The following PDZRN4 variants were observed in gnomAD, a reference collection of about 807,000 sequenced individuals.
The protein encoded by PDZRN4 is PDZ domain containing ring finger 4, also known as PDZ domain-containing RING finger protein 4.
In PDZRN4, 70 loss-of-function variants were observed where a neutral mutation model predicts 99.0. The observed-to-expected ratio is 0.71, with a 90% confidence interval of 0.58 to 0.86. The LOEUF is 0.86. Among genes scored for constraint, PDZRN4 ranks in the 40% least tolerant of loss-of-function variants. PDZRN4 has a pLI of 0.00. For missense variants in PDZRN4, 1,474 were observed against 1,331.2 expected, an observed-to-expected ratio of 1.11 and a Z score of -1.67; for synonymous variants, 551 against 501.6, an observed-to-expected ratio of 1.10 and a Z score of -1.32.
intron 3 of PDZRN4, among the ~76,000 whole-genome samples, chr12:41,333,814 G>A (rs951627368): frequency 4.6e-5 from 7 of 151,960 alleles, no homozygotes; most frequent in Non-Finnish European, 8.8e-5. Context: ...TGATTTGTGG[G>A]GTTTATCATA....
At chr12:41,566,470 A>G (rs1939373525) in intron 8 of PDZRN4, among the ~76,000 whole-genome samples, 1 of 152,226 alleles carries the variant, frequency 6.6e-6, no homozygotes, top group South Asian at 2.1e-4. Context: ...TAATTTTCAT[A>G]GCTCATCTGC....
At chr12:41,528,541 T>A (rs979723609) in intron 5 of PDZRN4, among the ~76,000 whole-genome samples, 2 of 152,180 alleles carry the variant, frequency 1.3e-5, no homozygotes, top group African/African-American at 4.8e-5. Flanking sequence ...AAACTTCCAT[T>A]CATTGTGGAA....
chr12:41,380,412 TTTC>T (rs1332132511), intron 3 of PDZRN4, among the ~76,000 whole-genome samples: 2 of 152,114 alleles, frequency 1.3e-5, no homozygotes, highest in Non-Finnish European at 2.9e-5. Context: ...TCCTTGTTCC[TTTC>T]TTCTTCTTTT....
chr12:41,349,650 A>G (rs1441705449), intron 3 of PDZRN4, among the ~76,000 whole-genome samples: 1 of 152,016 alleles, frequency 6.6e-6, no homozygotes, highest in Non-Finnish European at 1.5e-5. Context: ...TTCGACATCT[A>G]TTGACTTCCT....
chr12:41,289,316 CTAAT>C (rs1324071176), intron 3 of PDZRN4, among the ~76,000 whole-genome samples: 1 of 152,148 alleles, frequency 6.6e-6, no homozygotes, highest in African/African-American at 2.4e-5. Flanking sequence ...AACATTCAAA[CTAAT>C]TAGAGTCATA....
chr12:41,417,292 T>C (rs1447915085), intron 3 of PDZRN4, among the ~76,000 whole-genome samples: 25 of 152,244 alleles, frequency 1.6e-4, no homozygotes, highest in Admixed American at 1.6e-3. Flanking sequence ...TGCCAGATGT[T>C]TTATAGGCAA....
At chr12:41,513,281 C>G (rs964026134) in intron 5 of PDZRN4, among the ~76,000 whole-genome samples, 2 of 152,038 alleles carry the variant, frequency 1.3e-5, no homozygotes, top group African/African-American at 4.8e-5. Flanking sequence ...TATGGTGACT[C>G]TGGTGTGTTA....
chr12:41,556,041 T>C (rs970911051), intron 7 of PDZRN4, among the ~76,000 whole-genome samples: 3 of 152,198 alleles, frequency 2.0e-5, no homozygotes, highest in African/African-American at 7.2e-5. Flanking sequence ...CATAACCTCC[T>C]CTCATCCTAA....
In PDZRN4 at chr12:41,329,658, G is replaced by A. The variant is rs570266258; in HGVS notation, c.843+135470G>A. Among the ~76,000 whole-genome samples the A allele has an allele frequency of 3.3e-5, 5 of 152,168 alleles. No individual in the cohort carries two copies. In the South Asian group the frequency reaches 1.0e-3, roughly 32 times the overall value. The stretch of plus-strand genomic sequence containing the variant: ...TTCTTTAATATAATTGTAGAATAAT[G>A]CTAAAATAATGACTACTAAGAACAG... On this transcript the variant is annotated intron_variant, in intron 3 of 9. Coordinates refer to ENST00000402685, the MANE Select transcript of PDZRN4 (RefSeq NM_001164595.2).
Position 41,563,629 on chromosome 12 carries a change from G to A in PDZRN4, c.1447G>A (p.Val483Ile). The A allele has an allele frequency of 6.2e-7, 1 of 1,612,982 alleles. No homozygotes were observed. The highest frequency in any genetic ancestry group is 8.5e-7 in the Non-Finnish European group (1 of 1,179,184). ...NDECKRIVLLVARPEIQLDEG... is the reference protein window; with the variant it reads ...NDECKRIVLLIARPEIQLDEG... ...TGAGTGTAAGAGAATCGTGCTGCTT[G>A]TTGCAAGGCCAGAGATTCAGGTCAG... The change falls in exon 8 of 10, where the codon GTT becomes ATT. Residue 483 changes from valine (V) to isoleucine (I), a missense_variant. Val to Ile is a conservative substitution (Grantham distance 29). Transcript: ENST00000402685.
At chr12:41,384,105 C>T (rs1952147598) in intron 3 of PDZRN4, among the ~76,000 whole-genome samples, 1 of 147,126 alleles carries the variant, frequency 6.8e-6, no homozygotes, top group East Asian at 2.0e-4. Flanking sequence ...CGGGTTCAAG[C>T]GATTCTATAG....
intron 3 of PDZRN4, among the ~76,000 whole-genome samples, chr12:41,486,963 C>A (rs1937787919): frequency 6.6e-6 from 1 of 152,252 alleles, no homozygotes; most frequent in South Asian, 2.1e-4. Flanking sequence ...TTAATTAAAT[C>A]TTCATTCCAA....
At chr12:41,238,683 T>C (rs1053035449) in intron 3 of PDZRN4, among the ~76,000 whole-genome samples, 2 of 148,600 alleles carry the variant, frequency 1.3e-5, no homozygotes, top group Admixed American at 6.8e-5. Context: ...AGATACCATC[T>C]CATACCAGTC....
intron 5 of PDZRN4, among the ~76,000 whole-genome samples, chr12:41,533,701 A>G (rs1938702729): frequency 6.6e-6 from 1 of 152,084 alleles, no homozygotes; most frequent in South Asian, 2.1e-4. Flanking sequence ...TTTTTTGTAT[A>G]GCTGGATTAT....
At chr12:41,438,447 C>CAA (rs1952650554) in intron 3 of PDZRN4, among the ~76,000 whole-genome samples, 1 of 152,120 alleles carries the variant, frequency 6.6e-6, no homozygotes, top group South Asian at 2.1e-4. Context: ...TCCTGTTAGC[C>CAA]ATAGGAAATT....
intron 3 of PDZRN4, among the ~76,000 whole-genome samples, chr12:41,328,612 C>CTGTTTATA (rs1405486487): frequency 6.6e-6 from 1 of 152,112 alleles, no homozygotes; most frequent in Non-Finnish European, 1.5e-5. Context: ...TGTTAAAAAT[C>CTGTTTATA]TGTTTATATC....
intron 3 of PDZRN4, among the ~76,000 whole-genome samples, chr12:41,253,964 T>C (rs1055395716): frequency 1.3e-5 from 2 of 151,864 alleles, no homozygotes; most frequent in African/African-American, 4.8e-5. Flanking sequence ...AATAGATTCC[T>C]GGCCACTAGA....
chr12:41,356,273 G>C (rs1951926326), intron 3 of PDZRN4, among the ~76,000 whole-genome samples: 1 of 151,950 alleles, frequency 6.6e-6, no homozygotes, highest in African/African-American at 2.4e-5. Flanking sequence ...TGAATTAATG[G>C]AGATTGGATT....
rs2252312 is a variant in PDZRN4, at chr12:41,509,406, T to G, written c.1101-405T>G. On this transcript the variant is annotated intron_variant, in intron 4 of 9. Coordinates refer to ENST00000402685, the MANE Select transcript of PDZRN4 (RefSeq NM_001164595.2). ...AGTTTGCAGCTGTGGATTATGAAAT[T>G]GGTAGTACTTTATGACAAAATACCC... The G allele has an allele frequency of 7.7e-3, 1,173 of 152,904 alleles. 53 individuals carry two copies. The East Asian group carries it at 0.14, about 18-fold the overall frequency. 9.5% of individuals were successfully genotyped at this position (152,904 alleles called of 1,614,324 possible).
Sources: gnomAD v4.1 joint callset for allele counts (sites outside exome capture counted in the v4.1 genomes callset) on GRCh38, gnomAD v4.1.1 for gene constraint, MANE v1.5 for transcripts, NCBI Gene and HGNC (gene_info 2026-07-23, HGNC 2026-07-21) for gene names.